GRIA4: variants seen among roughly 807,000 people sequenced by gnomAD.
The protein encoded by GRIA4 is glutamate ionotropic receptor AMPA type subunit 4.
In GRIA4, 34 loss-of-function variants were observed where a neutral mutation model predicts 104.0. The observed-to-expected ratio is 0.33, with a 90% CI of 0.25 to 0.44. The LOEUF is 0.44. Ranked by LOEUF, GRIA4 falls within the 20% of genes least tolerant of loss-of-function variation. The probability of loss-of-function intolerance (pLI) is 1.00; values close to 1 mark genes in which losing one functional copy is unlikely to be tolerated. For missense variants in GRIA4, 750 were observed against 1,096.5 expected (o/e 0.68, Z 4.46); for synonymous variants, 386 against 381.9 (o/e 1.01, Z -0.13).
chr11:105,775,582 A>G (rs1941413662), intron 4 of GRIA4, among the ~76,000 whole-genome samples: 1 of 152,154 alleles, frequency 6.6e-6, no homozygotes, highest in Non-Finnish European at 1.5e-5. Flanking sequence ...CCATTTCACT[A>G]TATATGACTG....
chr11:105,977,346 G>C (rs1180487897), intron 16 of GRIA4, among the ~76,000 whole-genome samples: 2 of 151,982 alleles, frequency 1.3e-5, no homozygotes, highest in East Asian at 3.8e-4. Flanking sequence ...TTAAACAAGA[G>C]GTGAGTGGTT....
intron 5 of GRIA4, among the ~76,000 whole-genome samples, chr11:105,875,711 A>C (rs911840711): frequency 1.1e-4 from 16 of 152,068 alleles, no homozygotes; most frequent in African/African-American, 3.9e-4. Flanking sequence ...AGAGGTGTTT[A>C]TAGTATTCTC....
At chr11:105,779,984 G>A (rs1468108582) in intron 4 of GRIA4, among the ~76,000 whole-genome samples, 1 of 152,262 alleles carries the variant, frequency 6.6e-6, no homozygotes, top group East Asian at 1.9e-4. Flanking sequence ...TTGCTTTAAA[G>A]GGTAAAAGTA....
chr11:105,784,704 A>G lies in GRIA4; in HGVS notation c.487+31484A>G, dbSNP rs146392802. ...CAAGTATGCAAATTTAAAATTTTACAAGTCTTTTTTGCATTCAAAGTTCTA... is the reference window on the plus strand; with the variant it reads ...CAAGTATGCAAATTTAAAATTTTACGAGTCTTTTTTGCATTCAAAGTTCTA... On this transcript the variant is annotated intron_variant, in intron 4 of 16. Transcript: ENST00000282499. Among the ~76,000 whole-genome samples the G allele has an allele frequency of 2.4e-3, 362 of 152,320 alleles. 1 individual carries two copies. Among genetic ancestry groups the G allele is most frequent in the African/African-American group, 8.4e-3 (348 of 41,578 alleles).
chr11:105,673,359 A>C (rs1469166422), intron 3 of GRIA4, among the ~76,000 whole-genome samples: 1 of 152,136 alleles, frequency 6.6e-6, no homozygotes, highest in African/African-American at 2.4e-5. Context: ...CAATGAATAA[A>C]TAAAGAAATG....
At chr11:105,845,161 G>C (rs374901468) in intron 4 of GRIA4, among the ~76,000 whole-genome samples, 2 of 152,174 alleles carry the variant, frequency 1.3e-5, no homozygotes, top group East Asian at 3.8e-4. Flanking sequence ...ATGGTCACTG[G>C]GGTTGACTGA....
At chr11:105,895,738 G>A (rs1025017380) in intron 6 of GRIA4, among the ~76,000 whole-genome samples, 2 of 151,872 alleles carry the variant, frequency 1.3e-5, no homozygotes, top group Non-Finnish European at 2.9e-5. Context: ...CAGCTTCTTC[G>A]CTCCATCTGG....
At chr11:105,635,230 A>T (rs1951173074) in intron 3 of GRIA4, among the ~76,000 whole-genome samples, 1 of 152,160 alleles carries the variant, frequency 6.6e-6, no homozygotes, top group Admixed American at 6.6e-5. Context: ...GTACTGGGGA[A>T]ATTAACCTCT....
chr11:105,771,556 G>A (rs1305318504), intron 4 of GRIA4, among the ~76,000 whole-genome samples: 1 of 151,908 alleles, frequency 6.6e-6, no homozygotes, highest in Non-Finnish European at 1.5e-5. Flanking sequence ...AAGGTATAAG[G>A]GACATTTTTT....
At chr11:105,845,597 C>T (rs1325605874) in intron 4 of GRIA4, among the ~76,000 whole-genome samples, 1 of 152,122 alleles carries the variant, frequency 6.6e-6, no homozygotes, top group African/African-American at 2.4e-5. Context: ...AAATACCTAT[C>T]CCAGGCCGGG....
At chr11:105,869,756 T>C (rs1367864383) in intron 5 of GRIA4, among the ~76,000 whole-genome samples, 2 of 152,062 alleles carry the variant, frequency 1.3e-5, no homozygotes, top group African/African-American at 4.8e-5. Context: ...AGTGCTACAT[T>C]GTTTTATCCA....
chr11:105,676,425 C>T (rs751984325), intron 3 of GRIA4, among the ~76,000 whole-genome samples: 2 of 151,582 alleles, frequency 1.3e-5, no homozygotes, highest in Non-Finnish European at 3.0e-5. Flanking sequence ...CTATTTTGAA[C>T]TCATACATTC....
chr11:105,801,903 A>G (rs1259310314), intron 4 of GRIA4, among the ~76,000 whole-genome samples: 1 of 152,164 alleles, frequency 6.6e-6, no homozygotes, highest in Admixed American at 6.6e-5. Context: ...CCTAGAGATG[A>G]GTCACAAAGG....
At position 105,974,294 on chromosome 11, in the gene GRIA4, T is replaced by C; in HGVS notation, c.2410-16T>C. 1 of 1,612,418 alleles carries C rather than the reference T, an allele frequency of 6.2e-7. No homozygotes were observed. Among genetic ancestry groups the C allele is most frequent in the Non-Finnish European group, 8.5e-7 (1 of 1,178,890 alleles). On this transcript the variant is annotated splice_polypyrimidine_tract_variant and intron_variant, in intron 15 of 16. Transcript: ENST00000282499. Reference sequence around the variant, plus strand: ...GACATTTCCACAGTTAACTGAAGTGTCTTTATCCCCCCTAGGACAAGACGA... The same window carrying C: ...GACATTTCCACAGTTAACTGAAGTGCCTTTATCCCCCCTAGGACAAGACGA...
chr11:105,724,564 T>G (rs1938067062), intron 3 of GRIA4, among the ~76,000 whole-genome samples: 1 of 151,964 alleles, frequency 6.6e-6, no homozygotes, highest in Non-Finnish European at 1.5e-5. Context: ...ATGCTCTCAC[T>G]TATAAGTGGG....
chr11:105,786,248 T>G (rs1941963970), intron 4 of GRIA4, among the ~76,000 whole-genome samples: 1 of 152,136 alleles, frequency 6.6e-6, no homozygotes, highest in African/African-American at 2.4e-5. Flanking sequence ...TTATGACTCT[T>G]AAGATCACAT....
At chr11:105,685,931 C>T (rs914355426) in intron 3 of GRIA4, among the ~76,000 whole-genome samples, 2 of 151,098 alleles carry the variant, frequency 1.3e-5, no homozygotes, top group Non-Finnish European at 2.9e-5. Flanking sequence ...AGAAAAGTCA[C>T]ATTAAAAAAA....
rs145532894 is a variant in GRIA4 at position 105,645,940 on chromosome 11, G to A, written c.247+33506G>A. On this transcript the variant is annotated intron_variant, in intron 3 of 16. Transcript: ENST00000282499. ...ATTCCAGTGAGCTGGTTAAAATTGGGGTAAAGAAAGATTTCCTAGAAGCCA... is the reference window on the plus strand; with the variant it reads ...ATTCCAGTGAGCTGGTTAAAATTGGAGTAAAGAAAGATTTCCTAGAAGCCA... Among the ~76,000 whole-genome samples the A allele has an allele frequency of 3.2e-4, 49 of 152,124 alleles. 1 individual carries two copies. The highest frequency in any genetic ancestry group is 2.9e-3 in the East Asian group (15 of 5,164).
In GRIA4 at chr11:105,979,617, A is replaced by G. The variant is rs774442051; in HGVS notation, c.2587A>G (p.Ile863Val). Residue 863 changes from isoleucine (I) to valine (V), a missense_variant, in exon 17 of 17, where the codon ATC (isoleucine) becomes GTC (valine). By Grantham distance (29) the Ile-to-Val change is conservative. Around this residue, in one of 3 missense-constraint regions of GRIA4, gnomAD observed 68 missense variants for 69.3 expected, o/e 0.98. Transcript: ENST00000282499. Reference sequence around the variant, plus strand: ...CATAAGAAACAAAGCCAGATTATCCATCACTGGGAGTGTGGGAGAGAATGG... The same window carrying G: ...CATAAGAAACAAAGCCAGATTATCCGTCACTGGGAGTGTGGGAGAGAATGG... Reference protein sequence around the residue: ...EAIRNKARLSITGSVGENGRV... With the variant: ...EAIRNKARLSVTGSVGENGRV... 5 of 1,614,104 alleles carry G rather than the reference A, an allele frequency of 3.1e-6. No homozygotes were observed. The South Asian group carries it at 3.3e-5, about 11-fold the overall frequency.
Sources: gnomAD v4.1 joint callset for allele counts (sites outside exome capture counted in the v4.1 genomes callset) on GRCh38, gnomAD v4.1.1 for gene constraint, gnomAD v4.1.1 regional missense constraint, MANE v1.5 for transcripts, NCBI Gene and HGNC (gene_info 2026-07-23, HGNC 2026-07-21) for gene names.